Variants in LARGE1 observed in about 807,000 individuals in gnomAD.
The protein encoded by LARGE1 is LARGE xylosyl- and glucuronyltransferase 1.
Under a neutral mutation model 87.6 loss-of-function variants are expected in LARGE1, and 43 were observed. The observed-to-expected ratio is 0.49, with a 90% CI of 0.38 to 0.63. The LOEUF is 0.63. LARGE1 is among the 30% of genes least tolerant of loss of function. The pLI, the probability that LARGE1 is intolerant of heterozygous loss-of-function variation, is 0.00. For synonymous variants in LARGE1, 434 were observed against 394.6 expected (o/e 1.10, Z -1.18); for missense variants, 802 against 1,000.2 (o/e 0.80, Z 2.67).
At chr22:33,433,514 T>A (rs1601820401) in intron 6 of LARGE1, among the ~76,000 whole-genome samples, 1 of 143,434 alleles carries the variant, frequency 7.0e-6, no homozygotes, top group African/African-American at 2.6e-5. Flanking sequence ...GAGAATGGCA[T>A]GAATCCGGAA....
chr22:33,506,868 TCCA>T (rs2070789923), intron 6 of LARGE1, among the ~76,000 whole-genome samples: 1 of 152,108 alleles, frequency 6.6e-6, no homozygotes, highest in African/African-American at 2.4e-5. Context: ...GCCATTGTAC[TCCA>T]GCCTGGGCGA....
chr22:33,417,696 G>A (rs1304963977), intron 7 of LARGE1, among the ~76,000 whole-genome samples: 1 of 152,178 alleles, frequency 6.6e-6, no homozygotes, highest in Non-Finnish European at 1.5e-5. Context: ...TCTTGCCCGG[G>A]GCTCTCGGGG....
At chr22:33,285,699 C>T (rs1295872367) in intron 12 of LARGE1, among the ~76,000 whole-genome samples, 3 of 152,126 alleles carry the variant, frequency 2.0e-5, no homozygotes, top group African/African-American at 7.2e-5. Context: ...CTCAACCAGA[C>T]GTTGAGCCTG....
At position 33,335,855 on chromosome 22, in the gene LARGE1, A is replaced by G. The variant is rs181150768; in HGVS notation, c.1287+1791T>C. On this transcript the variant is annotated intron_variant, in intron 10 of 14. Transcript: ENST00000397394. ...CTCATAGAAATCCTTAAACCAGTGG[A>G]GCTGCTCACTAATATATTGCTATGT... Among the ~76,000 whole-genome samples the G allele has an allele frequency of 8.2e-3, 1,244 of 152,326 alleles. 16 individuals carry two copies. Among genetic ancestry groups the G allele is most frequent in the African/African-American group, 0.029 (1,201 of 41,570 alleles).
chr22:33,296,008 A>T (rs1933198530), intron 12 of LARGE1, among the ~76,000 whole-genome samples: 1 of 152,226 alleles, frequency 6.6e-6, no homozygotes. Flanking sequence ...GCCATAGTTT[A>T]CTGAGCACTT....
chr22:33,856,164 T>G (rs2063749233), intron 1 of LARGE1, among the ~76,000 whole-genome samples: 1 of 152,044 alleles, frequency 6.6e-6, no homozygotes, highest in Non-Finnish European at 1.5e-5. Context: ...ACTGAAAAGA[T>G]TTCAAAATGT....
chr22:33,219,112 A>C (rs1925341996), intron 11 of LARGE1, among the ~76,000 whole-genome samples: 1 of 152,228 alleles, frequency 6.6e-6, no homozygotes, highest in Non-Finnish European at 1.5e-5. Flanking sequence ...CACCTACATG[A>C]GAAACAAATG....
At chr22:33,415,668 G>A (rs888262287) in intron 7 of LARGE1, among the ~76,000 whole-genome samples, 1 of 152,206 alleles carries the variant, frequency 6.6e-6, no homozygotes, top group African/African-American at 2.4e-5. Context: ...TGCAGAGAAT[G>A]TAGCAAGGCT....
At chr22:33,077,917 G>A in the LARGE1 span, among the ~76,000 whole-genome samples, 3 of 151,008 alleles carry the variant, frequency 2.0e-5, no homozygotes, top group Non-Finnish European at 4.4e-5. Flanking sequence ...TAGGATGAAG[G>A]TGTTTATGCA....
chr22:33,604,664 AC>A (rs2079205193), intron 4 of LARGE1, 106 bp from the exon 5 acceptor site: 6 of 1,418,468 alleles, frequency 4.2e-6, no homozygotes, highest in Non-Finnish European at 5.9e-6. Context: ...CACGTTTCTA[AC>A]GGCAATTGTG....
the LARGE1 span, among the ~76,000 whole-genome samples, chr22:33,104,683 C>T: frequency 1.3e-5 from 2 of 152,226 alleles, no homozygotes; most frequent in African/African-American, 4.8e-5. Context: ...CCAGACAATT[C>T]TCTGAATATG....
intron 1 of LARGE1, among the ~76,000 whole-genome samples, chr22:33,877,991 T>C (rs2064522245): frequency 1.3e-5 from 2 of 151,494 alleles, no homozygotes; most frequent in African/African-American, 4.8e-5. Context: ...GAATGTAACA[T>C]TTGAATTTAT....
the LARGE1 span, among the ~76,000 whole-genome samples, chr22:33,107,958 A>C: frequency 1.3e-5 from 2 of 152,216 alleles, no homozygotes; most frequent in Non-Finnish European, 2.9e-5. Flanking sequence ...TGAAAAATGA[A>C]TTAAAATAAG....
chr22:33,312,270 C>T (rs1019890850), intron 11 of LARGE1, among the ~76,000 whole-genome samples: 8 of 151,858 alleles, frequency 5.3e-5, no homozygotes, highest in African/African-American at 1.7e-4. Context: ...GGTGAAACCC[C>T]GTCTCTACTA....
chr22:33,425,839 C>A (rs547593059), intron 7 of LARGE1, among the ~76,000 whole-genome samples: 58 of 152,260 alleles, frequency 3.8e-4, no homozygotes, highest in African/African-American at 1.3e-3. Context: ...TAGGTTCAAG[C>A]GATTCTCTTG....
chr22:33,919,087 C>T (rs1284520743), intron 1 of LARGE1, among the ~76,000 whole-genome samples: 1 of 141,618 alleles, frequency 7.1e-6, no homozygotes, highest in Non-Finnish European at 1.5e-5. Context: ...AACCGAGGCA[C>T]ATCAGCACAG....
intron 11 of LARGE1, among the ~76,000 whole-genome samples, chr22:33,231,853 T>G (rs1174892067): frequency 6.6e-6 from 1 of 152,228 alleles, no homozygotes; most frequent in Non-Finnish European, 1.5e-5. Context: ...ACTATTGCTA[T>G]TACTACTATT....
chr22:33,449,301 C>T (rs1455134565), intron 6 of LARGE1, among the ~76,000 whole-genome samples: 2 of 152,176 alleles, frequency 1.3e-5, no homozygotes, highest in Non-Finnish European at 2.9e-5. Context: ...AGTGTTGGGG[C>T]TCTCCACTGT....
intron 11 of LARGE1, among the ~76,000 whole-genome samples, chr22:33,188,442 G>A (rs1159843321): frequency 6.6e-6 from 1 of 152,092 alleles, no homozygotes; most frequent in African/African-American, 2.4e-5. Context: ...CTCACACCGG[G>A]CCTGCTGCAA....
Sources: gnomAD v4.1 joint callset for allele counts (sites outside exome capture counted in the v4.1 genomes callset) on GRCh38, gnomAD v4.1.1 for gene constraint, MANE v1.5 for transcripts, NCBI Gene and HGNC (gene_info 2026-07-23, HGNC 2026-07-21) for gene names.